PTPRC: variants seen among roughly 807,000 people sequenced by gnomAD.
PTPRC encodes protein tyrosine phosphatase receptor type C.
Under a neutral mutation model 155.9 loss-of-function variants are expected in PTPRC, and 44 were observed. That is an observed-to-expected ratio of 0.28 (90% CI 0.22 to 0.36). The LOEUF is 0.36. PTPRC is among the 10% of genes least tolerant of loss of function. PTPRC has a pLI of 1.00. For missense variants in PTPRC, 1,401 were observed against 1,564.6 expected (o/e 0.90, Z 1.76); for synonymous variants, 525 against 533.1 (o/e 0.98, Z 0.21).
intron 2 of PTPRC, among the ~76,000 whole-genome samples, chr1:198,659,254 C>T (rs1663794427): frequency 6.6e-6 from 1 of 152,158 alleles, no homozygotes; most frequent in Non-Finnish European, 1.5e-5. Context: ...CACCACTAGA[C>T]ACATACTATT....
Position 198,752,252 on chromosome 1 carries a change from A to C in PTPRC, c.3211A>C (p.Ile1071Leu), listed in dbSNP as rs769904440. 2 of 1,611,286 alleles carry C rather than the reference A, an allele frequency of 1.2e-6. No homozygotes were observed. Among genetic ancestry groups the C allele is most frequent in the Admixed American group, 3.3e-5 (2 of 59,880 alleles). The change falls in exon 30 of 33, where the codon ATC (isoleucine) becomes CTC (leucine). Residue 1071 changes from isoleucine to leucine, a missense_variant. Coordinates refer to ENST00000442510, the MANE Select transcript of PTPRC (RefSeq NM_002838.5). ...LTELKHGDQE[I>L]CAQYWGEGKQ... ...TGAATTGTCTTCTTTTATCTAGGAA[A>C]TCTGTGCTCAGTACTGGGGAGAAGG...
At position 198,728,331 on chromosome 1, in the gene PTPRC, C is replaced by A; in HGVS notation, c.1721-9C>A. On this transcript the variant is annotated splice_polypyrimidine_tract_variant and intron_variant, in intron 15 of 32. Coordinates refer to ENST00000442510, the MANE Select transcript of PTPRC (RefSeq NM_002838.5). ...ATCGTTCTCTGAATGTATTATTTTT[C>A]ATTTCTAGATAATTCTAAGGCACTG... 6.2e-7 allele frequency: 1 copy of A among 1,605,402 alleles called. No individual in the cohort carries two copies. Among genetic ancestry groups the A allele is most frequent in the Non-Finnish European group, 8.5e-7 (1 of 1,173,602 alleles).
intron 2 of PTPRC, among the ~76,000 whole-genome samples, chr1:198,671,957 G>T (rs767413778): frequency 1.3e-5 from 2 of 152,114 alleles, no homozygotes; most frequent in Non-Finnish European, 2.9e-5. Context: ...CCATATCTCT[G>T]CATTTTTCTT....
rs114858610 is a variant in PTPRC, at chr1:198,701,022, C to A, written c.439+1318C>A. Among the ~76,000 whole-genome samples the A allele has an allele frequency of 3.9e-3, 591 of 152,232 alleles. 4 individuals carry two copies. The highest frequency in any genetic ancestry group is 0.013 in the African/African-American group (560 of 41,546). Reference sequence around the variant, plus strand: ...GAAAAAAGCTGATTTCAAAACTCTGCAGAGGGCCAGTTCTATGTCTGAATG... The same window carrying A: ...GAAAAAAGCTGATTTCAAAACTCTGAAGAGGGCCAGTTCTATGTCTGAATG... On this transcript the variant is annotated intron_variant, in intron 5 of 32. Transcript: ENST00000442510.
At chr1:198,663,054 G>A (rs928259468) in intron 2 of PTPRC, among the ~76,000 whole-genome samples, 4 of 152,072 alleles carry the variant, frequency 2.6e-5, no homozygotes, top group Admixed American at 2.6e-4. Context: ...TACTTCCCAC[G>A]TCTCTTCACC....
Position 198,680,907 on chromosome 1 carries a change from A to T in PTPRC, c.74-11440A>T, listed in dbSNP as rs79890722. On this transcript the variant is annotated intron_variant, in intron 2 of 32. Coordinates refer to ENST00000442510, the MANE Select transcript of PTPRC (RefSeq NM_002838.5). ...AGCTTTGGATTCTAGTAGACCTGGGATTGAGTTTTTACACTGTTACTCTAT... is the reference window on the plus strand; with the variant it reads ...AGCTTTGGATTCTAGTAGACCTGGGTTTGAGTTTTTACACTGTTACTCTAT... 3.2e-4 allele frequency among the ~76,000 whole-genome samples: 49 copies of T among 152,240 alleles called. No homozygotes were observed. The East Asian group carries it at 9.1e-3, about 28-fold the overall frequency.
At chr1:198,684,657 T>C (rs1174947197) in intron 2 of PTPRC, among the ~76,000 whole-genome samples, 1 of 151,948 alleles carries the variant, frequency 6.6e-6, no homozygotes, top group South Asian at 2.1e-4. Flanking sequence ...TTTATTGTAG[T>C]GCTGTTTCTT....
chr1:198,676,954 A>G (rs1213168528), intron 2 of PTPRC, among the ~76,000 whole-genome samples: 2 of 152,152 alleles, frequency 1.3e-5, no homozygotes, highest in Non-Finnish European at 2.9e-5. Flanking sequence ...TTAACAATAA[A>G]ATAAGATTTT....
At chr1:198,697,442 C>A (rs1314838798) in intron 4 of PTPRC, among the ~76,000 whole-genome samples, 1 of 152,156 alleles carries the variant, frequency 6.6e-6, no homozygotes, top group Admixed American at 6.5e-5. Context: ...TCATTGAAAA[C>A]ATTTTTAATT....
At chr1:198,651,292 T>TTG (rs67899145) in intron 2 of PTPRC, among the ~76,000 whole-genome samples, 28,293 of 147,676 alleles carry the variant, frequency 0.19, 2,921 homozygotes, top group African/African-American at 0.27. Flanking sequence ...CAGATTGGGA[T>TTG]TGTGTGTGTG....
At chr1:198,642,913 T>TTTCTTTCC (rs1662691430) in intron 2 of PTPRC, among the ~76,000 whole-genome samples, 1 of 137,264 alleles carries the variant, frequency 7.3e-6, no homozygotes, top group East Asian at 2.2e-4. Flanking sequence ...TCTTCCTTTC[T>TTTCTTTCC]TTCTTTCTTT....
intron 2 of PTPRC, among the ~76,000 whole-genome samples, chr1:198,680,240 G>A (rs979206313): frequency 6.6e-6 from 1 of 152,204 alleles, no homozygotes; most frequent in Non-Finnish European, 1.5e-5. Context: ...GATTACCTAA[G>A]GACGGAGTTC....
chr1:198,649,090 T>C (rs924205079), intron 2 of PTPRC, among the ~76,000 whole-genome samples: 6 of 151,908 alleles, frequency 3.9e-5, no homozygotes, highest in Non-Finnish European at 5.9e-5. Flanking sequence ...CCTACACTTT[T>C]TATTCCAGAG....
At chr1:198,704,376 G>T (rs1666619102) in intron 7 of PTPRC, 96 bp from the exon 8 acceptor site, 11 of 1,581,876 alleles carry the variant, frequency 7.0e-6, no homozygotes, top group Non-Finnish European at 9.5e-6. Flanking sequence ...TAGACTTTAT[G>T]AAGTAGAAGT....
rs1279984477 is a variant in PTPRC at position 198,694,100 on chromosome 1, T to C, written c.100+1727T>C. On this transcript the variant is annotated intron_variant, in intron 3 of 32. Transcript: ENST00000442510. Reference sequence around the variant, plus strand: ...GGGAAGCTGACAGTTCAGCCTTCAGTTGGTGGCCAAAGGCCCGAGAGCCCC... The same window carrying C: ...GGGAAGCTGACAGTTCAGCCTTCAGCTGGTGGCCAAAGGCCCGAGAGCCCC... The C allele has an allele frequency of 7.8e-6, 12 of 1,547,314 alleles. No individual in the cohort carries two copies. In the African/African-American group the frequency reaches 1.4e-4, roughly 18 times the overall value.
At chr1:198,705,504 T>TCTG (rs1407268988) in intron 8 of PTPRC, among the ~76,000 whole-genome samples, 8 of 149,094 alleles carry the variant, frequency 5.4e-5, no homozygotes, top group Admixed American at 2.7e-4. Context: ...TACTGCAACC[T>TCTG]CTGCCTCCTG....
At chr1:198,660,599 CTG>C (rs1314709704) in intron 2 of PTPRC, 1 of 151,816 alleles carries the variant, frequency 6.6e-6, no homozygotes, top group African/African-American at 2.4e-5. Context: ...AGAGGAGAAA[CTG>C]TGTGGGCATC....
chr1:198,726,653 T>G (rs1307699692), intron 15 of PTPRC, among the ~76,000 whole-genome samples: 1 of 152,030 alleles, frequency 6.6e-6, no homozygotes, highest in Non-Finnish European at 1.5e-5. Context: ...GATCATGAGA[T>G]GAACTGTTTC....
chr1:198,691,836 G>A (rs1418989452), intron 2 of PTPRC, among the ~76,000 whole-genome samples: 1 of 151,960 alleles, frequency 6.6e-6, no homozygotes, highest in Non-Finnish European at 1.5e-5. Flanking sequence ...TTCTCCTTTA[G>A]CACATTCTGT....
Sources: allele counts gnomAD v4.1 joint callset (sites outside exome capture counted in the v4.1 genomes callset), GRCh38; gene constraint gnomAD v4.1.1; transcripts MANE v1.5; gene names NCBI Gene and HGNC (gene_info 2026-07-23, HGNC 2026-07-21).